ASIC2: variants seen among roughly 807,000 people sequenced by gnomAD.
The protein encoded by ASIC2 is acid sensing ion channel subunit 2, also known as acid-sensing ion channel 2.
Under a neutral mutation model 57.3 loss-of-function variants are expected in ASIC2, and 25 were observed. That is an observed-to-expected ratio of 0.44 (90% CI 0.32 to 0.61). The LOEUF is 0.61. Among genes scored for constraint, ASIC2 ranks in the 20% least tolerant of loss-of-function variants. The pLI, the probability that ASIC2 is intolerant of heterozygous loss-of-function variation, is 0.06. For missense variants in ASIC2, 641 were observed against 738.1 expected (o/e 0.87, Z 1.52); for synonymous variants, 319 against 307.5 (o/e 1.04, Z -0.39).
chr17:33,972,043 T>A (rs1360035688), intron 1 of ASIC2, among the ~76,000 whole-genome samples: 1 of 152,214 alleles, frequency 6.6e-6, no homozygotes, highest in African/African-American at 2.4e-5. Flanking sequence ...GGGGGATTAA[T>A]GGTATCACCA....
At chr17:33,865,608 C>T (rs1444875990) in intron 1 of ASIC2, among the ~76,000 whole-genome samples, 2 of 151,988 alleles carry the variant, frequency 1.3e-5, no homozygotes, top group African/African-American at 4.8e-5. Context: ...TTCTAAAAAA[C>T]GTTTGTTTTT....
intron 3 of ASIC2, among the ~76,000 whole-genome samples, chr17:33,038,564 T>C (rs2091918380): frequency 6.6e-6 from 1 of 152,144 alleles, no homozygotes; most frequent in African/African-American, 2.4e-5. Flanking sequence ...CTCCTGCATG[T>C]ACTTGACAAC....
At chr17:33,733,486 C>A (rs754909380) in intron 1 of ASIC2, among the ~76,000 whole-genome samples, 1 of 152,142 alleles carries the variant, frequency 6.6e-6, no homozygotes, top group Non-Finnish European at 1.5e-5. Context: ...AGGGAGGAGA[C>A]GGAGAGGGTG....
intron 1 of ASIC2, among the ~76,000 whole-genome samples, chr17:33,770,136 C>G (rs1829324546): frequency 6.6e-6 from 1 of 152,234 alleles, no homozygotes; most frequent in African/African-American, 2.4e-5. Context: ...GCTTGTATCA[C>G]TCTTCATCTC....
intron 1 of ASIC2, among the ~76,000 whole-genome samples, chr17:34,151,119 A>AAAT (rs1555535965): frequency 1.8e-5 from 2 of 113,254 alleles, no homozygotes; most frequent in African/African-American, 5.4e-5. Flanking sequence ...AAAAAAAAAA[A>AAAT]AAAAAATAAA....
At chr17:33,376,555 A>C (rs1909283947) in intron 1 of ASIC2, among the ~76,000 whole-genome samples, 1 of 152,166 alleles carries the variant, frequency 6.6e-6, no homozygotes, top group Non-Finnish European at 1.5e-5. Context: ...ATGCATATCA[A>C]CACATTCAAT....
chr17:33,981,952 C>T lies in ASIC2; in HGVS notation c.555+174026G>A, dbSNP rs148796539. Among the ~76,000 whole-genome samples the T allele has an allele frequency of 5.8e-3, 877 of 152,310 alleles. 5 individuals are homozygous for T. The highest frequency in any genetic ancestry group is 9.6e-3 in the Non-Finnish European group (652 of 68,030). Reference sequence around the variant, plus strand: ...GGCCAGGCATCTTAACCACTACTATCAGGGAGAATTGGCACCAACCGGAAG... The same window carrying T: ...GGCCAGGCATCTTAACCACTACTATTAGGGAGAATTGGCACCAACCGGAAG... On this transcript the variant is annotated intron_variant, in intron 1 of 9. Transcript: ENST00000359872.
intron 3 of ASIC2, among the ~76,000 whole-genome samples, chr17:33,083,147 G>A (rs1016982031): frequency 2.6e-5 from 4 of 152,166 alleles, no homozygotes; most frequent in African/African-American, 9.7e-5. Context: ...ACATTGGATT[G>A]ATTATCCAGT....
intron 1 of ASIC2, chr17:33,932,729 A>AT (rs1915963279): frequency 9.4e-6 from 1 of 106,122 alleles, no homozygotes; most frequent in African/African-American, 3.7e-5. Context: ...AAAAAAAAAA[A>AT]AAAAAAAAAA....
At chr17:33,267,159 A>C (rs1909494758) in intron 1 of ASIC2, among the ~76,000 whole-genome samples, 1 of 152,142 alleles carries the variant, frequency 6.6e-6, no homozygotes, top group South Asian at 2.1e-4. Context: ...TTGTTTCATT[A>C]AACAACCACT....
chr17:33,294,703 C>A (rs904288204), upstream of ASIC2, among the ~76,000 whole-genome samples: 1 of 151,960 alleles, frequency 6.6e-6, no homozygotes, highest in Admixed American at 6.6e-5. Context: ...GCATATATAC[C>A]CAATGCATAC....
intron 1 of ASIC2, among the ~76,000 whole-genome samples, chr17:33,443,512 A>T (rs192459496): frequency 7.3e-6 from 1 of 137,850 alleles, no homozygotes. Flanking sequence ...CTCCCGGGTT[A>T]ACGCCATTCT....
chr17:33,130,803 C>T (rs1300787753), intron 1 of ASIC2, among the ~76,000 whole-genome samples: 1 of 152,192 alleles, frequency 6.6e-6, no homozygotes, highest in Admixed American at 6.5e-5. Flanking sequence ...GGAGTCAGGG[C>T]AGACATCTAA....
At chr17:33,229,798 C>A (rs1024695180) in intron 1 of ASIC2, among the ~76,000 whole-genome samples, 1 of 152,202 alleles carries the variant, frequency 6.6e-6, no homozygotes, top group Non-Finnish European at 1.5e-5. Context: ...GTACAATGAG[C>A]GAATCAGATT....
At chr17:33,474,173 C>T (rs1015229299) in intron 1 of ASIC2, among the ~76,000 whole-genome samples, 2 of 152,110 alleles carry the variant, frequency 1.3e-5, no homozygotes, top group African/African-American at 2.4e-5. Context: ...TCAAGACCAG[C>T]CTGGACTACA....
intron 1 of ASIC2, among the ~76,000 whole-genome samples, chr17:33,126,856 C>CTTTTTTTTTTTTT (rs1159710708): frequency 1.2e-5 from 1 of 85,326 alleles, no homozygotes; most frequent in Non-Finnish European, 2.1e-5. Context: ...TACCATTACT[C>CTTTTTTTTTTTTT]TTTTTTTTTT....
intron 1 of ASIC2, among the ~76,000 whole-genome samples, chr17:33,372,068 C>G (rs1275299640): frequency 6.6e-6 from 1 of 152,014 alleles, no homozygotes; most frequent in African/African-American, 2.4e-5. Flanking sequence ...GAAGAACTCC[C>G]CCAGACCCTC....
At chr17:33,135,076 A>G (rs531571149) in intron 1 of ASIC2, among the ~76,000 whole-genome samples, 1 of 152,260 alleles carries the variant, frequency 6.6e-6, no homozygotes, top group East Asian at 1.9e-4. Context: ...GCCCAGTCAT[A>G]TGCTAATAAG....
Position 33,634,514 on chromosome 17 carries a change from C to CT in ASIC2, c.555+521463dup, listed in dbSNP as rs71144891. Among the ~76,000 whole-genome samples the CT allele has an allele frequency of 9.8e-3, 1,163 of 118,478 alleles. 15 individuals carry two copies. The highest frequency in any genetic ancestry group is 0.027 in the African/African-American group (818 of 29,806). 77.7% of individuals were successfully genotyped at this position (118,478 alleles called of 152,430 possible). A position where few individuals can be genotyped will look rare whatever the true frequency, so the allele number is the denominator to read the frequency against. ...TTCAGAGAGAGAAAAACTTTTTTTT[C>CT]TTTTTTTTTTTTTTTTTTTGAGACA... On this transcript the variant is annotated intron_variant, in intron 1 of 9. Transcript: ENST00000359872.
Sources: allele counts gnomAD v4.1 joint callset (sites outside exome capture counted in the v4.1 genomes callset), GRCh38; gene constraint gnomAD v4.1.1; transcripts MANE v1.5; gene names NCBI Gene and HGNC (gene_info 2026-07-23, HGNC 2026-07-21).